The following NAALADL1 variants were observed in gnomAD, a reference collection of about 807,000 sequenced individuals.
NAALADL1 encodes the protein aminopeptidase NAALADL1.
In NAALADL1, 77 loss-of-function variants were observed where a neutral mutation model predicts 82.8. The ratio of observed to expected loss-of-function variants is 0.93; its 90% CI spans 0.77 to 1.12. The LOEUF (loss-of-function observed/expected upper bound fraction) is 1.12. Among genes scored for constraint, NAALADL1 ranks in the 50% most tolerant of loss-of-function variants. NAALADL1 has a pLI of 0.00. For synonymous variants in NAALADL1, 358 were observed against 399.2 expected (o/e 0.90, Z 1.23); for missense variants, 956 against 964.0 (o/e 0.99, Z 0.11).
In NAALADL1 at chr11:65,053,645, A is replaced by C; in HGVS notation, c.993-69T>G. 1 of 1,367,896 alleles carries C rather than the reference A, an allele frequency of 7.3e-7. No individual in the cohort carries two copies. Among genetic ancestry groups the C allele is most frequent in the Non-Finnish European group, 1.0e-6 (1 of 1,001,928 alleles). The allele number at this position is 1,367,896 out of a possible 1,614,324, so 84.7% of individuals were successfully genotyped here. On this transcript the variant is annotated intron_variant, in intron 6 of 17. Coordinates refer to ENST00000358658, the MANE Select transcript of NAALADL1 (RefSeq NM_005468.3). The surrounding 1 kb of genome is among the most constrained non-coding windows in gnomAD (Gnocchi z 4.3). ...CTGCCCCCGACCCAGTGCAGGAGAC[A>C]CTGAGGCCCGGAGCTGGAAAGTGAC...
At chr11:65,046,004 C>CCCTGCCCGCTGCCCTTGCT (rs755679861) in intron 16 of NAALADL1, 23 bp downstream of exon 16, 21 of 1,612,476 alleles carry the variant, frequency 1.3e-5, no homozygotes, top group Non-Finnish European at 8.5e-7. Context: ...CCCTCCCAGC[C>CCCTGCCCGCTGCCCTTGCT]CCTGCCCGCT....
At chr11:65,059,616 G>A (rs1012799825), upstream of NAALADL1, among the ~76,000 whole-genome samples, 2 of 152,198 alleles carry the variant, frequency 1.3e-5, no homozygotes, top group Admixed American at 6.5e-5. Flanking sequence ...CCTGGACTCC[G>A]TCATCCACCC....
In NAALADL1 at chr11:65,053,119, A is replaced by G. The variant is rs1368766889; in HGVS notation, c.1198+99T>C. On this transcript the variant is annotated intron_variant, in intron 8 of 17. Transcript: ENST00000358658. This position sits in a 1 kb window ranked among gnomAD's most constrained non-coding sequence, Gnocchi z 4.3. The stretch of plus-strand genomic sequence containing the variant: ...ATGTCTGCCCCCAGGGCCCTCAGGC[A>G]TGGCACAAGGAGCACTGCAGTGTGA... 1.4e-6 allele frequency: 2 copies of G among 1,410,830 alleles called. No individual in the cohort carries two copies. Among genetic ancestry groups the G allele is most frequent in the Admixed American group, 5.5e-5 (2 of 36,396 alleles). 87.4% of individuals were successfully genotyped at this position (1,410,830 alleles called of 1,614,324 possible). A position where few individuals can be genotyped will look rare whatever the true frequency, so the allele number is the denominator to read the frequency against.
At chr11:65,057,288 C>T in intron 4 of NAALADL1, 83 bp downstream of exon 4, 1 of 1,501,748 alleles carries the variant, frequency 6.7e-7, no homozygotes, top group African/African-American at 1.4e-5. Context: ...GCCTCTTCTC[C>T]TTCCCCTTCC....
chr11:65,051,605 A>G (rs1171191791), intron 8 of NAALADL1, among the ~76,000 whole-genome samples: 1 of 152,040 alleles, frequency 6.6e-6, no homozygotes, highest in East Asian at 1.9e-4. Flanking sequence ...GTGCAGGGAT[A>G]ACAGGCATGA....
chr11:65,049,273 A>G (rs930406555), intron 8 of NAALADL1, among the ~76,000 whole-genome samples: 2 of 152,154 alleles, frequency 1.3e-5, no homozygotes, highest in Admixed American at 1.3e-4. Flanking sequence ...CACCCACTTC[A>G]GCCTCCCAAA....
chr11:65,045,288 G>T lies in NAALADL1; in HGVS notation c.2206C>A (p.Pro736Thr). ...GGCTGGGGTCAGAGGTCAGCCACAGGCCTCAGGGTGGCTGCCGCACCCTCC... is the reference window on the plus strand; with the variant it reads ...GGCTGGGGTCAGAGGTCAGCCACAGTCCTCAGGGTGGCTGCCGCACCCTCC... ...ALEGAAATLR[P>T]VADL is the part of the protein sequence containing the mutation. Residue 736 changes from proline (P) to threonine (T), a missense_variant, in exon 18 of 18, where the codon CCT becomes ACT. By Grantham distance (38) the Pro-to-Thr change is conservative (BLOSUM62 -1). Coordinates refer to ENST00000358658, the MANE Select transcript of NAALADL1 (RefSeq NM_005468.3). 1.2e-6 allele frequency: 2 copies of T among 1,607,048 alleles called. No homozygotes were observed. Among genetic ancestry groups the T allele is most frequent in the Non-Finnish European group, 1.7e-6 (2 of 1,175,594 alleles).
rs201295446 is a variant in NAALADL1, at chr11:65,057,857, G to A, written c.480+18C>T. The A allele has an allele frequency of 6.8e-6, 11 of 1,612,938 alleles. No homozygotes were observed. The highest frequency in any genetic ancestry group is 1.3e-5 in the African/African-American group (1 of 74,872). On this transcript the variant is annotated intron_variant, in intron 3 of 17. Transcript: ENST00000358658. ...CAAGGGAGCTGGGCCAGAGCAGTAG[G>A]GGGGGTTCTGGGCCCACCTGTGGGG... is the stretch of plus-strand genomic sequence containing the variant.
Position 65,045,404 on chromosome 11 carries a change from G to A in NAALADL1, c.2090C>T (p.Ser697Phe). The change falls in exon 18 of 18, where the codon TCC (serine) becomes TTC (phenylalanine). Residue 697 changes from serine to phenylalanine, a missense_variant. Coordinates refer to ENST00000358658, the MANE Select transcript of NAALADL1 (RefSeq NM_005468.3). ...GTCCCTGGCCCTGGAGCAGGCATTG[G>A]ATAGGCCCGGGAATGTGACTACGGA... ...TGSVVTFPGL[S>F]NACSRARDTA... 1.9e-6 allele frequency: 3 copies of A among 1,613,292 alleles called. No homozygotes were observed. The highest frequency in any genetic ancestry group is 2.5e-6 in the Non-Finnish European group (3 of 1,179,854).
At position 65,048,019 on chromosome 11, in the gene NAALADL1, G is replaced by T. The variant is rs745711770; in HGVS notation, c.1378C>A (p.Pro460Thr). ...ANATLRVQGT[P>T]PVQSVVFSAT... ...GAGAAGACGACGCTCTGGACAGGGG[G>T]CGTCCCCTGCACCCTAAGGGTAGCG... is the stretch of plus-strand genomic sequence containing the variant. The change falls in exon 11 of 18, where the codon CCC (proline) becomes ACC (threonine). Residue 460 changes from proline (P) to threonine (T), a missense_variant. Transcript: ENST00000358658. The T allele has an allele frequency of 1.2e-6, 2 of 1,613,794 alleles. No individual in the cohort carries two copies. Among genetic ancestry groups the T allele is most frequent in the Non-Finnish European group, 1.7e-6 (2 of 1,179,888 alleles).
At position 65,046,477 on chromosome 11, in the gene NAALADL1, G is replaced by T. The variant is rs1251758979; in HGVS notation, c.1649C>A (p.Thr550Asn). 1.9e-6 allele frequency: 3 copies of T among 1,614,100 alleles called. No individual in the cohort carries two copies. In the East Asian group the frequency reaches 6.7e-5, roughly 36 times the overall value. Residue 550 changes from threonine to asparagine, a missense_variant, in exon 14 of 18, where the codon ACC becomes AAC. Transcript: ENST00000358658. ...IYPTYHTAFD[T>N]FDYVDKFLDP... ...CAAAAACTTGTCCACATAGTCAAAGGTGTCAAAGGCTGTGTGGTAGGTGGG... is the reference window on the plus strand; with the variant it reads ...CAAAAACTTGTCCACATAGTCAAAGTTGTCAAAGGCTGTGTGGTAGGTGGG...
At chr11:65,052,157 G>A (rs545841967) in intron 8 of NAALADL1, among the ~76,000 whole-genome samples, 9 of 152,156 alleles carry the variant, frequency 5.9e-5, no homozygotes, top group South Asian at 2.1e-4. Context: ...CACAGCCCTC[G>A]ACTTGTCCTC....
chr11:65,046,454 A>G lies in NAALADL1; in HGVS notation c.1672T>C (p.Leu558=). The G allele has an allele frequency of 6.2e-7, 1 of 1,614,094 alleles. No homozygotes were observed. The change falls in exon 14 of 18, where the codon TTG becomes CTG. Residue 558 remains leucine (L), a synonymous_variant. Coordinates refer to ENST00000358658, the MANE Select transcript of NAALADL1 (RefSeq NM_005468.3). ...TTGTCTCCCTCCTCACCCGGGTCCA[A>G]AAACTTGTCCACATAGTCAAAGGTG... The part of the protein sequence containing the change: ...FDTFDYVDKF[L]DPGFSSHQAV...
At chr11:65,055,729 G>C (rs1947019754) in intron 4 of NAALADL1, among the ~76,000 whole-genome samples, 1 of 152,116 alleles carries the variant, frequency 6.6e-6, no homozygotes, top group Non-Finnish European at 1.5e-5. Flanking sequence ...AAAGGTTCTG[G>C]AAATGGGTAG....
intron 13 of NAALADL1, among the ~76,000 whole-genome samples, chr11:65,047,259 C>A (rs978091428): frequency 2.6e-5 from 4 of 152,046 alleles, no homozygotes; most frequent in Non-Finnish European, 4.4e-5. Flanking sequence ...GGTTTGAGCC[C>A]AGGAGTTCAA....
At chr11:65,055,551 G>A (rs1947014572) in intron 4 of NAALADL1, among the ~76,000 whole-genome samples, 1 of 152,142 alleles carries the variant, frequency 6.6e-6, no homozygotes. Flanking sequence ...AGTGAAATAA[G>A]CCAGACATAA....
chr11:65,052,716 C>T (rs941125739), intron 8 of NAALADL1, among the ~76,000 whole-genome samples: 1 of 152,216 alleles, frequency 6.6e-6, no homozygotes, highest in African/African-American at 2.4e-5. Context: ...TCAGCCTGGC[C>T]TGGCCCTGCC....
Position 65,053,927 on chromosome 11 carries a change from G to T in NAALADL1, c.992+323C>A, listed in dbSNP as rs988425209. 6.6e-6 allele frequency among the ~76,000 whole-genome samples: 1 copy of T among 152,142 alleles called. No individual in the cohort carries two copies. The highest frequency in any genetic ancestry group is 1.5e-5 in the Non-Finnish European group (1 of 68,010). On this transcript the variant is annotated intron_variant, in intron 6 of 17. Transcript: ENST00000358658. The surrounding 1 kb of genome is among the most constrained non-coding windows in gnomAD (Gnocchi z 4.3). ...CCTGGAGGCCAGTGGGTGCTGTAGG[G>T]AGGGAGGTTGGTGCAGGTTGGGAGT...
At chr11:65,046,800 A>C (rs1444506641) in intron 13 of NAALADL1, among the ~76,000 whole-genome samples, 1 of 152,200 alleles carries the variant, frequency 6.6e-6, no homozygotes, top group African/African-American at 2.4e-5. Context: ...GATAGATTCA[A>C]ATCCCAGCTC....
Sources: allele counts gnomAD v4.1 joint callset (sites outside exome capture counted in the v4.1 genomes callset), GRCh38; gene constraint gnomAD v4.1.1; non-coding constraint Gnocchi (gnomAD v3.1); transcripts MANE v1.5; gene names NCBI Gene and HGNC (gene_info 2026-07-23, HGNC 2026-07-21).